Variants in SLC9A6 observed in about 807,000 individuals in gnomAD.
SLC9A6 encodes the protein sodium/hydrogen exchanger 6.
A neutral mutation model predicts 45.3 loss-of-function variants in SLC9A6; 6 were observed. That is an observed-to-expected ratio of 0.13 (90% CI 0.07 to 0.26). The LOEUF (loss-of-function observed/expected upper bound fraction) is 0.26. Among genes scored for constraint, SLC9A6 ranks in the 10% least tolerant of loss-of-function variants. SLC9A6 has a pLI of 1.00. For missense variants in SLC9A6, 278 were observed against 503.7 expected (o/e 0.55, Z 4.29); for synonymous variants, 191 against 187.7 (o/e 1.02, Z -0.14).
rs868980167 is a variant in SLC9A6, at chrX:135,993,723, G to A, written c.170-1063G>A. ...GGATAATTGATTGGACCCGGGAGGCGGAGGTTGCAGTGAGCCGAGATCATG... is the reference window on the plus strand; with the variant it reads ...GGATAATTGATTGGACCCGGGAGGCAGAGGTTGCAGTGAGCCGAGATCATG... On this transcript the variant is annotated intron_variant, in intron 2 of 17. Coordinates refer to ENST00000630721, the MANE Select transcript of SLC9A6 (RefSeq NM_001379110.1). Among the ~76,000 whole-genome samples the A allele has an allele frequency of 5.4e-5, 6 of 110,434 alleles. No homozygotes were observed. The East Asian group carries it at 1.1e-3, about 21-fold the overall frequency.
At chrX:136,034,739 G>A (rs988771061) in intron 16 of SLC9A6, among the ~76,000 whole-genome samples, 4 of 111,888 alleles carry the variant, frequency 3.6e-5, no homozygotes, top group African/African-American at 1.3e-4. Context: ...CTGCTTGCAA[G>A]TACTTCAAAA....
At chrX:136,032,325 G>A (rs1556621240) in intron 15 of SLC9A6, among the ~76,000 whole-genome samples, 1 of 112,416 alleles carries the variant, frequency 8.9e-6, no homozygotes, top group Non-Finnish European at 1.9e-5. Flanking sequence ...ACCCGCCTTG[G>A]CTTCCCAAAG....
At chrX:136,015,327 G>C (rs1430310477) in intron 10 of SLC9A6, among the ~76,000 whole-genome samples, 2 of 112,326 alleles carry the variant, frequency 1.8e-5, no homozygotes, top group African/African-American at 6.5e-5. Context: ...TTGTGACAGA[G>C]ACTTCTTGGC....
chrX:136,042,978 T>C (rs1355463492), intron 17 of SLC9A6, among the ~76,000 whole-genome samples: 3 of 112,148 alleles, frequency 2.7e-5, no homozygotes, highest in Admixed American at 9.5e-5. Flanking sequence ...TGTAAAAGTA[T>C]ATAGAATAGA....
chrX:135,989,798 T>G (rs2089400457), intron 2 of SLC9A6, among the ~76,000 whole-genome samples: 1 of 111,911 alleles, frequency 8.9e-6, no homozygotes, highest in Non-Finnish European at 1.9e-5. Context: ...TGGGTGATGC[T>G]GATTTTTTTT....
upstream of SLC9A6, among the ~76,000 whole-genome samples, chrX:135,981,152 T>C (rs1008891633): frequency 1.3e-4 from 14 of 110,951 alleles, no homozygotes; most frequent in African/African-American, 4.3e-4. Flanking sequence ...AGAAAAGAGG[T>C]TTAATTGACT....
chrX:136,000,275 A>G (rs953736606), intron 6 of SLC9A6, among the ~76,000 whole-genome samples: 1 of 106,462 alleles, frequency 9.4e-6, no homozygotes, highest in Admixed American at 1.0e-4. Flanking sequence ...AAAAAAAAAA[A>G]AAAAAAGATT....
intron 3 of SLC9A6, among the ~76,000 whole-genome samples, chrX:135,997,210 C>A (rs782621620): frequency 9.1e-6 from 1 of 109,821 alleles, no homozygotes; most frequent in Non-Finnish European, 1.9e-5. Context: ...GCATGCACCA[C>A]CATACCTGGC....
intron 16 of SLC9A6, among the ~76,000 whole-genome samples, chrX:136,034,485 A>G (rs1327547588): frequency 9.0e-6 from 1 of 111,636 alleles, no homozygotes; most frequent in Non-Finnish European, 1.9e-5. Flanking sequence ...ATTAAAATTA[A>G]TTTCTTATTT....
chrX:136,041,130 A>G (rs1181156972), intron 17 of SLC9A6, among the ~76,000 whole-genome samples: 4 of 111,771 alleles, frequency 3.6e-5, no homozygotes, highest in Non-Finnish European at 5.6e-5. Flanking sequence ...AAGAAAAAAA[A>G]AAGAAAAAGA....
At chrX:135,997,152 G>T (rs1478695880) in intron 3 of SLC9A6, among the ~76,000 whole-genome samples, 1 of 110,541 alleles carries the variant, frequency 9.0e-6, no homozygotes, top group African/African-American at 3.3e-5. Context: ...CGCCTCCCAG[G>T]TTCAAGTAAT....
At chrX:135,982,001 A>G (rs1295458988), upstream of SLC9A6, among the ~76,000 whole-genome samples, 1 of 112,822 alleles carries the variant, frequency 8.9e-6, no homozygotes, top group African/African-American at 3.2e-5. Flanking sequence ...GGCCATGTCC[A>G]ATAAACCATT....
At chrX:136,034,854 T>G (rs2071387226) in intron 16 of SLC9A6, among the ~76,000 whole-genome samples, 1 of 112,089 alleles carries the variant, frequency 8.9e-6, no homozygotes, top group Admixed American at 9.5e-5. Context: ...ATTATGTCAT[T>G]ACTTTTGGCT....
rs140312866 is a variant in SLC9A6 at position 136,034,556 on chromosome X, G to A, written c.1661+1063G>A. ...TTCAGGCTCTGATTTATCAGTAAAT[G>A]ATTCAAAACTTGGTTTATGTTCTAT... is the stretch of plus-strand genomic sequence containing the variant. On this transcript the variant is annotated intron_variant, in intron 16 of 17. Transcript: ENST00000630721. 4.3e-3 allele frequency among the ~76,000 whole-genome samples: 483 copies of A among 111,891 alleles called. 1 individual carries two copies. The highest frequency in any genetic ancestry group is 0.014 in the Middle Eastern group (3 of 217).
chrX:136,002,194 G>C lies in SLC9A6; in HGVS notation c.724G>C (p.Val242Leu). 8.4e-7 allele frequency: 1 copy of C among 1,186,363 alleles called. No homozygotes were observed. The highest frequency in any genetic ancestry group is 1.1e-6 in the Non-Finnish European group (1 of 872,436). Residue 242 changes from valine (V) to leucine (L), a missense_variant, in exon 7 of 18, where the codon GTT (valine) becomes CTT (leucine). By Grantham distance (32) the Val-to-Leu change is conservative. This residue lies in a region of SLC9A6 where 118 missense variants were observed against 209.9 expected (regional missense o/e 0.56). Coordinates refer to ENST00000630721, the MANE Select transcript of SLC9A6 (RefSeq NM_001379110.1). ...LFGESVLNDA[V>L]AIVLSSSIVA... is the part of the protein sequence containing the mutation. ...TGGTGAAAGTGTCCTCAATGATGCTGTTGCCATAGTGCTGTCCTCGTAAGT... is the reference window on the plus strand; with the variant it reads ...TGGTGAAAGTGTCCTCAATGATGCTCTTGCCATAGTGCTGTCCTCGTAAGT...
At chrX:136,000,146 G>T (rs1474989068) in intron 6 of SLC9A6, among the ~76,000 whole-genome samples, 3 of 106,968 alleles carry the variant, frequency 2.8e-5, no homozygotes, top group African/African-American at 1.0e-4. Flanking sequence ...AGCTACTTGG[G>T]AGGCTGAGGT....
intron 2 of SLC9A6, among the ~76,000 whole-genome samples, chrX:135,990,238 G>A (rs1177739042): frequency 1.8e-5 from 2 of 111,568 alleles, no homozygotes; most frequent in African/African-American, 6.5e-5. Context: ...CACCCACCTC[G>A]GCCTCCCAAA....
intron 3 of SLC9A6, among the ~76,000 whole-genome samples, chrX:135,996,924 G>T (rs553987718): frequency 9.3e-6 from 1 of 108,013 alleles, no homozygotes; most frequent in Non-Finnish European, 1.9e-5. Context: ...CCGCCACCAC[G>T]CCCGGCTAAT....
chrX:135,982,054 G>A (rs945706068), upstream of SLC9A6, among the ~76,000 whole-genome samples: 2 of 112,073 alleles, frequency 1.8e-5, no homozygotes, highest in Non-Finnish European at 3.8e-5. Context: ...ACTTTCACAT[G>A]TCACAAAATA....
Sources: gnomAD v4.1 joint callset for allele counts (sites outside exome capture counted in the v4.1 genomes callset) on GRCh38, gnomAD v4.1.1 for gene constraint, gnomAD v4.1.1 regional missense constraint, MANE v1.5 for transcripts, NCBI Gene and HGNC (gene_info 2026-07-23, HGNC 2026-07-21) for gene names.